THSD4: variants seen among roughly 807,000 people sequenced by gnomAD.
THSD4 encodes the protein thrombospondin type 1 domain containing 4, also known as thrombospondin type-1 domain-containing protein 4.
A neutral mutation model predicts 119.0 loss-of-function variants in THSD4; 69 were observed. The observed-to-expected ratio is 0.58, with a 90% CI of 0.48 to 0.71. The LOEUF (loss-of-function observed/expected upper bound fraction) is 0.71, where lower values mean the gene tolerates loss of function less well. THSD4 is among the 30% of genes least tolerant of loss of function. The pLI is 0.00. For synonymous variants in THSD4, 524 were observed against 540.4 expected, an observed-to-expected ratio of 0.97 and a Z score of 0.42; for missense variants, 1,393 against 1,391.1, an observed-to-expected ratio of 1.00 and a Z score of -0.02.
At chr15:71,651,567 A>T (rs995808212) in intron 7 of THSD4, among the ~76,000 whole-genome samples, 2 of 152,042 alleles carry the variant, frequency 1.3e-5, no homozygotes, top group African/African-American at 4.8e-5. Context: ...ATATTCCCCA[A>T]TGTTGTAACT....
chr15:71,372,763 C>T (rs1419562834), intron 6 of THSD4, among the ~76,000 whole-genome samples: 1 of 152,268 alleles, frequency 6.6e-6, no homozygotes, highest in Non-Finnish European at 1.5e-5. Context: ...GTTCTCACAT[C>T]TCAAACTCCG....
intron 1 of THSD4, among the ~76,000 whole-genome samples, chr15:71,102,278 T>TAA (rs201060146): frequency 0.011 from 1,716 of 152,278 alleles, 32 homozygotes; most frequent in African/African-American, 0.038. Flanking sequence ...TGAAATGTGA[T>TAA]GTTTTTCCAC....
chr15:71,160,749 CTGTT>C (rs1230587311), intron 3 of THSD4, among the ~76,000 whole-genome samples: 1 of 150,932 alleles, frequency 6.6e-6, no homozygotes, highest in African/African-American at 2.4e-5. Flanking sequence ...AAAACACAAA[CTGTT>C]TATTTTGTTG....
intron 6 of THSD4, among the ~76,000 whole-genome samples, chr15:71,265,074 C>A (rs371944008): frequency 2.6e-5 from 4 of 151,904 alleles, no homozygotes; most frequent in South Asian, 2.1e-4. Context: ...GGACCCAGGC[C>A]GATAGAAGCT....
chr15:71,700,931 AT>A (rs2052276393), intron 8 of THSD4, among the ~76,000 whole-genome samples: 1 of 152,124 alleles, frequency 6.6e-6, no homozygotes, highest in African/African-American at 2.4e-5. Context: ...ATCTATAAAA[AT>A]ATCCCAGAAA....
chr15:71,582,513 A>AT (rs754490566), intron 7 of THSD4, among the ~76,000 whole-genome samples: 17 of 151,974 alleles, frequency 1.1e-4, no homozygotes, highest in Non-Finnish European at 1.8e-4. Flanking sequence ...GTAGTTCAGT[A>AT]TTATGTTGAA....
intron 6 of THSD4, among the ~76,000 whole-genome samples, chr15:71,257,390 T>G (rs1237032066): frequency 6.6e-6 from 1 of 152,074 alleles, no homozygotes; most frequent in African/African-American, 2.4e-5. Context: ...GAAGAGGTGT[T>G]GGGTCAAGCA....
intron 6 of THSD4, among the ~76,000 whole-genome samples, chr15:71,385,862 G>A (rs2046288048): frequency 6.6e-6 from 1 of 152,164 alleles, no homozygotes; most frequent in Non-Finnish European, 1.5e-5. Context: ...ATCAAGAGAT[G>A]GGGGTCCGGA....
intron 6 of THSD4, among the ~76,000 whole-genome samples, chr15:71,326,712 T>A (rs1278314938): frequency 4.0e-5 from 3 of 74,790 alleles, no homozygotes; most frequent in East Asian, 4.3e-4. Flanking sequence ...TATATATATA[T>A]ATATATATAT....
chr15:71,395,942 CACACACACACAA>C (rs1419602286), intron 6 of THSD4, among the ~76,000 whole-genome samples: 8 of 150,448 alleles, frequency 5.3e-5, no homozygotes, highest in Non-Finnish European at 8.9e-5. Context: ...CACACACACA[CACACACACACAA>C]ACACAGACTT....
intron 3 of THSD4, chr15:71,165,262 A>C: frequency 6.4e-7 from 1 of 1,567,538 alleles, no homozygotes. Context: ...CTTTAGCAGA[A>C]ATGGTCTTCC....
chr15:71,731,057 A>G (rs1401356675), intron 9 of THSD4, 64 bp from the exon 10 acceptor site: 2 of 1,517,290 alleles, frequency 1.3e-6, no homozygotes, highest in Non-Finnish European at 1.8e-6. Context: ...TGCAAATGCC[A>G]TTGAAACCCA....
chr15:71,568,267 A>G (rs746777532), intron 7 of THSD4, among the ~76,000 whole-genome samples: 20 of 152,182 alleles, frequency 1.3e-4, no homozygotes, highest in Non-Finnish European at 2.5e-4. Context: ...TGCATTGAGA[A>G]CTGCAAATAA....
chr15:71,207,197 A>G (rs1003416957), intron 3 of THSD4, among the ~76,000 whole-genome samples: 3 of 152,268 alleles, frequency 2.0e-5, no homozygotes, highest in Admixed American at 6.5e-5. Context: ...AACCCCATCC[A>G]CAATTGCTCT....
At position 71,538,896 on chromosome 15, in the gene THSD4, C is replaced by G. The variant is rs140296264; in HGVS notation, c.1153-121634C>G. On this transcript the variant is annotated intron_variant, in intron 7 of 17. Transcript: ENST00000261862. ...TTTTTGAGCATCTCCCTGATTGTGT[C>G]TCTGGCCCTTCTCCTGGCCCCACTT... is the stretch of plus-strand genomic sequence containing the variant. Among the ~76,000 whole-genome samples the G allele has an allele frequency of 3.1e-3, 469 of 152,314 alleles. 1 individual carries two copies. The highest frequency in any genetic ancestry group is 5.5e-3 in the Non-Finnish European group (375 of 68,036).
At chr15:71,625,952 A>C (rs1031702719) in intron 7 of THSD4, among the ~76,000 whole-genome samples, 2 of 152,206 alleles carry the variant, frequency 1.3e-5, no homozygotes, top group Non-Finnish European at 2.9e-5. Context: ...GGGTAAATCA[A>C]ATATGGTTTT....
intron 7 of THSD4, among the ~76,000 whole-genome samples, chr15:71,445,160 T>C (rs1457038701): frequency 6.6e-6 from 1 of 152,138 alleles, no homozygotes; most frequent in Non-Finnish European, 1.5e-5. Flanking sequence ...ACAGCTTCGG[T>C]GTCATTTCTT....
chr15:71,130,013 C>A (rs1406742683), intron 1 of THSD4, among the ~76,000 whole-genome samples: 3 of 152,102 alleles, frequency 2.0e-5, no homozygotes, highest in Non-Finnish European at 4.4e-5. Context: ...ATCCTGGACT[C>A]AAGGGCGGAG....
intron 3 of THSD4, among the ~76,000 whole-genome samples, chr15:71,199,758 ATGTGTGTGG>A (rs1491259572): frequency 9.1e-5 from 3 of 33,088 alleles, no homozygotes; most frequent in South Asian, 9.8e-4. Flanking sequence ...GGTGTGTGTG[ATGTGTGTGG>A]TGTGTGTGGT....
Sources: gnomAD v4.1 joint callset for allele counts (sites outside exome capture counted in the v4.1 genomes callset) on GRCh38, gnomAD v4.1.1 for gene constraint, MANE v1.5 for transcripts, NCBI Gene and HGNC (gene_info 2026-07-23, HGNC 2026-07-21) for gene names.